PRDM5: variants seen among roughly 807,000 people sequenced by gnomAD.
PRDM5 encodes PR/SET domain 5.
A neutral mutation model predicts 81.2 loss-of-function variants in PRDM5; 56 were observed. That is an observed-to-expected ratio of 0.69 (90% confidence interval 0.56 to 0.86). PRDM5 has a LOEUF of 0.86. Ranked by LOEUF, PRDM5 falls within the 40% of genes least tolerant of loss-of-function variation. PRDM5 has a pLI of 0.00. For missense variants in PRDM5, 697 were observed against 770.1 expected (o/e 0.91, Z 1.12); for synonymous variants, 267 against 256.4 (o/e 1.04, Z -0.39).
intron 7 of PRDM5, among the ~76,000 whole-genome samples, chr4:120,815,536 G>T (rs2149334091): frequency 6.6e-6 from 1 of 152,238 alleles, no homozygotes; most frequent in East Asian, 1.9e-4. Flanking sequence ...ATACTTTTTG[G>T]ACAATGAACA....
At chr4:120,899,003 T>C (rs775043833) in intron 2 of PRDM5, among the ~76,000 whole-genome samples, 1 of 152,170 alleles carries the variant, frequency 6.6e-6, no homozygotes, top group South Asian at 2.1e-4. Context: ...GAGAAGAACA[T>C]AATTCTGTAT....
At chr4:120,871,160 T>C (rs1761747948) in intron 2 of PRDM5, among the ~76,000 whole-genome samples, 2 of 152,224 alleles carry the variant, frequency 1.3e-5, no homozygotes, top group African/African-American at 4.8e-5. Context: ...TCAGGTTGAT[T>C]AGAAACACAC....
intron 1 of PRDM5, among the ~76,000 whole-genome samples, chr4:120,908,847 C>T (rs2148684850): frequency 6.6e-6 from 1 of 152,332 alleles, no homozygotes; most frequent in African/African-American, 2.4e-5. Flanking sequence ...GCCTACTCTG[C>T]TTCACAATCC....
intron 13 of PRDM5, among the ~76,000 whole-genome samples, chr4:120,764,184 T>G (rs185050491): frequency 3.9e-4 from 60 of 152,208 alleles, no homozygotes; most frequent in Middle Eastern, 6.8e-3. Context: ...TGATGTAAAC[T>G]GTGGCCTAGG....
intron 8 of PRDM5, among the ~76,000 whole-genome samples, chr4:120,807,550 A>G (rs6826221): frequency 1.3e-5 from 2 of 152,162 alleles, no homozygotes; most frequent in Non-Finnish European, 2.9e-5. Context: ...GGATGAGTTC[A>G]TGTCCTTTGT....
intron 14 of PRDM5, among the ~76,000 whole-genome samples, chr4:120,714,113 T>C (rs1560946314): frequency 1.3e-5 from 2 of 152,234 alleles, no homozygotes. Context: ...TAATATGAAA[T>C]CATTATCATT....
chr4:120,727,983 A>G (rs1343261907), intron 14 of PRDM5, among the ~76,000 whole-genome samples: 2 of 151,972 alleles, frequency 1.3e-5, no homozygotes, highest in South Asian at 4.2e-4. Flanking sequence ...CCAGTGAAGA[A>G]CATCAGATCA....
intron 2 of PRDM5, among the ~76,000 whole-genome samples, chr4:120,870,385 C>T (rs1165531607): frequency 6.6e-6 from 1 of 152,208 alleles, no homozygotes; most frequent in African/African-American, 2.4e-5. Context: ...TTATTTCATT[C>T]GATAAACATT....
Position 120,791,325 on chromosome 4 carries a change from T to C in PRDM5, c.1189-6234A>G, listed in dbSNP as rs60837560. On this transcript the variant is annotated intron_variant, in intron 10 of 15. Coordinates refer to ENST00000264808, the MANE Select transcript of PRDM5 (RefSeq NM_018699.4). ...GAACTAACATAAACATCCCTGCAAA[T>C]CATATGTTAAGGCAAAGAAGTAGGT... Among the ~76,000 whole-genome samples the C allele has an allele frequency of 4.3e-3, 662 of 152,230 alleles. 2 individuals carry two copies. The highest frequency in any genetic ancestry group is 0.015 in the African/African-American group (621 of 41,548).
At chr4:120,920,866 T>C (rs1724824771) in intron 1 of PRDM5, among the ~76,000 whole-genome samples, 2 of 152,168 alleles carry the variant, frequency 1.3e-5, no homozygotes, top group Admixed American at 1.3e-4. Flanking sequence ...AGTGATGCAA[T>C]AATATATGAT....
At position 120,884,889 on chromosome 4, in the gene PRDM5, C is replaced by T. The variant is rs533433814; in HGVS notation, c.177+22585G>A. 6.6e-5 allele frequency among the ~76,000 whole-genome samples: 10 copies of T among 152,042 alleles called. No individual in the cohort carries two copies. The South Asian group carries it at 1.7e-3, about 25-fold the overall frequency. ...TTCAAAAAAAGAAACACTGGCCGGG[C>T]GCGGTGGCTCATGCCTGTAATCCCA... On this transcript the variant is annotated intron_variant, in intron 2 of 15. Coordinates refer to ENST00000264808, the MANE Select transcript of PRDM5 (RefSeq NM_018699.4).
chr4:120,879,792 T>C (rs576169378), intron 2 of PRDM5, among the ~76,000 whole-genome samples: 1 of 152,032 alleles, frequency 6.6e-6, no homozygotes, highest in Non-Finnish European at 1.5e-5. Flanking sequence ...CAAGGATCAA[T>C]TGATTATGAG....
chr4:120,809,410 A>G (rs1388153593), intron 8 of PRDM5, among the ~76,000 whole-genome samples: 1 of 152,162 alleles, frequency 6.6e-6, no homozygotes, highest in East Asian at 1.9e-4. Flanking sequence ...TACTTTTAAA[A>G]AAAACAAAAA....
At chr4:120,780,990 A>G (rs777178597) in intron 12 of PRDM5, among the ~76,000 whole-genome samples, 153 bp downstream of exon 12, 3 of 152,194 alleles carry the variant, frequency 2.0e-5, no homozygotes, top group Non-Finnish European at 2.9e-5. Context: ...AAGAAAGTGA[A>G]CATTGTCTGA....
chr4:120,774,611 G>A (rs1034219669), intron 13 of PRDM5, among the ~76,000 whole-genome samples: 3 of 152,288 alleles, frequency 2.0e-5, no homozygotes, highest in East Asian at 3.9e-4. Context: ...AAACAAATTT[G>A]TGCCAGGGCC....
chr4:120,720,461 T>C (rs1028930806), intron 14 of PRDM5, among the ~76,000 whole-genome samples: 5 of 152,112 alleles, frequency 3.3e-5, no homozygotes, highest in Admixed American at 3.3e-4. Context: ...GTGGGTGAAA[T>C]TTAGAGGAGG....
At chr4:120,743,605 AC>A (rs1470232810) in intron 14 of PRDM5, among the ~76,000 whole-genome samples, 2 of 106,510 alleles carry the variant, frequency 1.9e-5, no homozygotes, top group Non-Finnish European at 3.9e-5. Context: ...CAAATGGAAA[AC>A]AAAAAAAGGC....
At chr4:120,751,144 A>G (rs1743944565) in intron 14 of PRDM5, among the ~76,000 whole-genome samples, 1 of 152,176 alleles carries the variant, frequency 6.6e-6, no homozygotes, top group South Asian at 2.1e-4. Context: ...CCTGGCCTCA[A>G]GCAATCCTCG....
intron 13 of PRDM5, among the ~76,000 whole-genome samples, chr4:120,760,699 C>T (rs1282411797): frequency 1.3e-5 from 2 of 151,644 alleles, no homozygotes; most frequent in Non-Finnish European, 1.5e-5. Context: ...TTTAAAGGTG[C>T]CACAAAGTGG....
Sources: gnomAD v4.1 joint callset for allele counts (sites outside exome capture counted in the v4.1 genomes callset) on GRCh38, gnomAD v4.1.1 for gene constraint, MANE v1.5 for transcripts, NCBI Gene and HGNC (gene_info 2026-07-23, HGNC 2026-07-21) for gene names.